VDAC1: variants seen among roughly 807,000 people sequenced by gnomAD.
VDAC1 encodes the protein non-selective voltage-gated ion channel VDAC1.
Under a neutral mutation model 34.7 loss-of-function variants are expected in VDAC1, and 10 were observed. The ratio of observed to expected loss-of-function variants is 0.29; its 90% CI spans 0.18 to 0.49. The LOEUF (loss-of-function observed/expected upper bound fraction) is 0.49, where lower values mean the gene tolerates loss of function less well. Ranked by LOEUF, VDAC1 falls within the 20% of genes least tolerant of loss-of-function variation. The pLI is 0.99. For missense variants in VDAC1, 230 were observed against 347.9 expected (o/e 0.66, Z 2.69); for synonymous variants, 130 against 136.0 (o/e 0.96, Z 0.30).
intron 7 of VDAC1, among the ~76,000 whole-genome samples, chr5:133,974,083 G>C (rs1752391596): frequency 6.6e-6 from 1 of 152,212 alleles, no homozygotes; most frequent in Non-Finnish European, 1.5e-5. Flanking sequence ...ACAAAGCAGA[G>C]AGAAGGAAGG....
chr5:134,055,940 T>C, the VDAC1 span, among the ~76,000 whole-genome samples: 1 of 151,568 alleles, frequency 6.6e-6, no homozygotes, highest in Non-Finnish European at 1.5e-5. Context: ...AAATAGATCA[T>C]ATTAAATCCA....
At chr5:134,046,020 C>CTATT in the VDAC1 span, among the ~76,000 whole-genome samples, 12 of 142,272 alleles carry the variant, frequency 8.4e-5, no homozygotes, top group South Asian at 4.5e-4. Flanking sequence ...TTTATTTATT[C>CTATT]TATTTATTTA....
the VDAC1 span, among the ~76,000 whole-genome samples, chr5:134,050,168 G>C: frequency 6.6e-6 from 1 of 152,154 alleles, no homozygotes; most frequent in African/African-American, 2.4e-5. Flanking sequence ...AGAATTGCTT[G>C]AACCTGGGAG....
chr5:133,984,600 A>G (rs962975713), intron 5 of VDAC1, among the ~76,000 whole-genome samples: 1 of 152,230 alleles, frequency 6.6e-6, no homozygotes, highest in Non-Finnish European at 1.5e-5. Context: ...AGCCTAATAC[A>G]GCCATGACGA....
the VDAC1 span, among the ~76,000 whole-genome samples, chr5:134,073,969 T>C: frequency 5.9e-5 from 9 of 152,150 alleles, no homozygotes; most frequent in Admixed American, 5.9e-4. Context: ...AAATGTTATG[T>C]TTTTTCCCAT....
chr5:133,977,173 C>T (rs1474665841), intron 6 of VDAC1, among the ~76,000 whole-genome samples: 1 of 152,236 alleles, frequency 6.6e-6, no homozygotes, highest in African/African-American at 2.4e-5. Context: ...CTTGGCACAA[C>T]CTGCTGCAGC....
At chr5:134,050,481 C>T in the VDAC1 span, among the ~76,000 whole-genome samples, 3 of 152,210 alleles carry the variant, frequency 2.0e-5, no homozygotes, top group East Asian at 5.8e-4. Flanking sequence ...GCAACTGTTT[C>T]CTCTGGGCAG....
chr5:134,090,453 G>A, the VDAC1 span, among the ~76,000 whole-genome samples: 1 of 152,186 alleles, frequency 6.6e-6, no homozygotes, highest in African/African-American at 2.4e-5. Context: ...TTCTCTCTGG[G>A]CCTCAGTTTT....
At chr5:134,040,667 C>A in the VDAC1 span, among the ~76,000 whole-genome samples, 1 of 152,220 alleles carries the variant, frequency 6.6e-6, no homozygotes, top group South Asian at 2.1e-4. Flanking sequence ...GTGGAGGTTG[C>A]GGTGAGCCAA....
At chr5:134,027,624 G>A in the VDAC1 span, among the ~76,000 whole-genome samples, 1 of 152,070 alleles carries the variant, frequency 6.6e-6, no homozygotes, top group East Asian at 1.9e-4. Flanking sequence ...TGAAGAACGA[G>A]CCACCCACAT....
chr5:134,055,590 T>TTTTGTTTTTTTTTTTGTTTTTG, the VDAC1 span, among the ~76,000 whole-genome samples: 8 of 31,206 alleles, frequency 2.6e-4, no homozygotes, highest in African/African-American at 7.7e-4. Context: ...CCGCTAATGT[T>TTTTGTTTTTTTTTTTGTTTTTG]TTTTTTTTTT....
the VDAC1 span, among the ~76,000 whole-genome samples, chr5:134,046,484 T>A: frequency 6.6e-6 from 1 of 152,210 alleles, no homozygotes; most frequent in African/African-American, 2.4e-5. Flanking sequence ...AGATTCTTAA[T>A]GTATTCACAT....
At chr5:134,073,994 A>G in the VDAC1 span, among the ~76,000 whole-genome samples, 9 of 152,166 alleles carry the variant, frequency 5.9e-5, no homozygotes, top group African/African-American at 2.2e-4. Context: ...TGTATTATAT[A>G]TGTCACTGAA....
chr5:134,102,793 G>T, the VDAC1 span, among the ~76,000 whole-genome samples: 111,373 of 152,086 alleles, frequency 0.73, 41,814 homozygotes, highest in Non-Finnish European at 0.82. Context: ...CATGCTTCAA[G>T]ATTTCCTGAG....
chr5:134,017,232 T>G, the VDAC1 span, among the ~76,000 whole-genome samples: 1 of 152,132 alleles, frequency 6.6e-6, no homozygotes, highest in African/African-American at 2.4e-5. Context: ...TTTGGGAGGC[T>G]GAGGCGGGTG....
At chr5:134,026,165 G>T in the VDAC1 span, among the ~76,000 whole-genome samples, 1 of 152,124 alleles carries the variant, frequency 6.6e-6, no homozygotes, top group African/African-American at 2.4e-5. Flanking sequence ...CTCTGCATCT[G>T]CAGGAAAAGG....
At position 133,980,919 on chromosome 5, in the gene VDAC1, C is replaced by G. The variant is rs918256435; in HGVS notation, c.361G>C (p.Glu121Gln). The G allele has an allele frequency of 1.2e-6, 2 of 1,613,914 alleles. No homozygotes were observed. The highest frequency in any genetic ancestry group is 1.3e-5 in the African/African-American group (1 of 74,858). Reference protein sequence around the residue: ...NAKIKTGYKREHINLGCDMDF... With the variant: ...NAKIKTGYKRQHINLGCDMDF... The stretch of plus-strand genomic sequence containing the variant: ...ATGTCGCAGCCCAGGTTAATGTGCT[C>G]CCGCTTGTACCCTGTCTTGATTTTA... Residue 121 changes from glutamate to glutamine, a missense_variant, in exon 6 of 9, where the codon GAG becomes CAG. Transcript: ENST00000265333.
chr5:134,069,012 T>TGTGTGTGTG, the VDAC1 span, among the ~76,000 whole-genome samples: 4 of 56,258 alleles, frequency 7.1e-5, no homozygotes, highest in African/African-American at 2.0e-4. Context: ...GTGTGTGTGT[T>TGTGTGTGTG]CACGTGCGCC....
chr5:133,984,923 G>A (rs1180705378), intron 5 of VDAC1, among the ~76,000 whole-genome samples: 1 of 152,146 alleles, frequency 6.6e-6, no homozygotes, highest in African/African-American at 2.4e-5. Flanking sequence ...GTGACAGAGT[G>A]AGACTGTCTC....
Sources: gnomAD v4.1 joint callset for allele counts (sites outside exome capture counted in the v4.1 genomes callset) on GRCh38, gnomAD v4.1.1 for gene constraint, MANE v1.5 for transcripts, NCBI Gene and HGNC (gene_info 2026-07-23, HGNC 2026-07-21) for gene names.